MACROD2: variants seen among roughly 807,000 people sequenced by gnomAD.
MACROD2 encodes the protein ADP-ribose glycohydrolase MACROD2.
A neutral mutation model predicts 70.4 loss-of-function variants in MACROD2; 36 were observed. The observed-to-expected ratio is 0.51, with a 90% CI of 0.39 to 0.68. The LOEUF is 0.68. Ranked by LOEUF, MACROD2 falls within the 30% of genes least tolerant of loss-of-function variation. The pLI is 0.00. For missense variants in MACROD2, 496 were observed against 538.4 expected (o/e 0.92, Z 0.78); for synonymous variants, 172 against 178.8 (o/e 0.96, Z 0.30).
intron 3 of MACROD2, chr20:14,325,996 A>G: frequency 6.2e-7 from 1 of 1,613,896 alleles, no homozygotes; most frequent in South Asian, 1.1e-5. Flanking sequence ...GTACATTCGA[A>G]GGGGTGCAGT....
intron 8 of MACROD2, among the ~76,000 whole-genome samples, chr20:15,836,231 A>G (rs2147123969): frequency 6.6e-6 from 1 of 152,314 alleles, no homozygotes; most frequent in Non-Finnish European, 1.5e-5. Flanking sequence ...TTTTCTACTT[A>G]GGAGAGGGTA....
intron 8 of MACROD2, among the ~76,000 whole-genome samples, chr20:15,667,522 T>C (rs1322742730): frequency 6.6e-6 from 1 of 151,150 alleles, no homozygotes; most frequent in Non-Finnish European, 1.5e-5. Context: ...TATCTATCTA[T>C]CTATGAAAGC....
chr20:14,554,628 A>G (rs1978900972), intron 4 of MACROD2, among the ~76,000 whole-genome samples: 1 of 152,116 alleles, frequency 6.6e-6, no homozygotes, highest in Non-Finnish European at 1.5e-5. Flanking sequence ...ACTGGGGAAA[A>G]GGGAGGGATG....
chr20:14,253,783 G>A (rs2082031067), intron 3 of MACROD2, among the ~76,000 whole-genome samples: 1 of 152,024 alleles, frequency 6.6e-6, no homozygotes. Flanking sequence ...TTCATAGGCC[G>A]TAATGCAAGG....
At chr20:15,135,976 A>G (rs1302172069) in intron 5 of MACROD2, among the ~76,000 whole-genome samples, 2 of 149,284 alleles carry the variant, frequency 1.3e-5, no homozygotes, top group African/African-American at 4.9e-5. Context: ...TTCAAAGAGA[A>G]TAACATACCT....
At chr20:15,034,836 C>T (rs541359702) in intron 5 of MACROD2, among the ~76,000 whole-genome samples, 5 of 152,274 alleles carry the variant, frequency 3.3e-5, no homozygotes, top group Non-Finnish European at 5.9e-5. Context: ...AAACAATGCT[C>T]TGTCGTCAAT....
intron 8 of MACROD2, among the ~76,000 whole-genome samples, chr20:15,775,203 G>C (rs2051701561): frequency 6.6e-6 from 1 of 152,092 alleles, no homozygotes; most frequent in Non-Finnish European, 1.5e-5. Context: ...AGATCCAGCG[G>C]AGCTTTATGC....
At chr20:14,043,867 C>T (rs1277767891) in intron 2 of MACROD2, among the ~76,000 whole-genome samples, 1 of 152,214 alleles carries the variant, frequency 6.6e-6, no homozygotes, top group East Asian at 1.9e-4. Flanking sequence ...CAATGTATAA[C>T]AAGGACTGTC....
At chr20:14,328,075 A>C (rs944337713) in intron 3 of MACROD2, among the ~76,000 whole-genome samples, 1 of 152,092 alleles carries the variant, frequency 6.6e-6, no homozygotes, top group Non-Finnish European at 1.5e-5. Context: ...TATTCTCTTC[A>C]TACTCAGGAA....
At chr20:15,621,247 A>G (rs752936289) in intron 8 of MACROD2, among the ~76,000 whole-genome samples, 1 of 152,148 alleles carries the variant, frequency 6.6e-6, no homozygotes, top group Non-Finnish European at 1.5e-5. Flanking sequence ...TCTTCTCTCT[A>G]TTTCAAATTA....
At chr20:15,614,434 T>C (rs1458711585) in intron 8 of MACROD2, among the ~76,000 whole-genome samples, 1 of 152,192 alleles carries the variant, frequency 6.6e-6, no homozygotes, top group Non-Finnish European at 1.5e-5. Context: ...TTGCAATTCA[T>C]TTTATAATTG....
intron 6 of MACROD2, among the ~76,000 whole-genome samples, chr20:15,417,002 G>C (rs567335473): frequency 6.6e-6 from 1 of 152,292 alleles, no homozygotes; most frequent in South Asian, 2.1e-4. Context: ...GGATGAAATG[G>C]AATTGCCCAG....
chr20:15,530,614 C>A (rs1469574741), intron 8 of MACROD2, among the ~76,000 whole-genome samples: 1 of 151,238 alleles, frequency 6.6e-6, no homozygotes, highest in Non-Finnish European at 1.5e-5. Context: ...CGCCTGTAGT[C>A]CCAGCTACTC....
chr20:14,066,329 C>A (rs147868020), intron 2 of MACROD2, among the ~76,000 whole-genome samples: 14 of 152,156 alleles, frequency 9.2e-5, no homozygotes, highest in Admixed American at 9.2e-4. Flanking sequence ...ATCTTATTCT[C>A]TGCTAGACCC....
chr20:15,108,696 C>T (rs2075930840), intron 5 of MACROD2, among the ~76,000 whole-genome samples: 1 of 152,066 alleles, frequency 6.6e-6, no homozygotes, highest in Admixed American at 6.6e-5. Flanking sequence ...TATTTTGAAC[C>T]AGAGAATTTT....
intron 3 of MACROD2, among the ~76,000 whole-genome samples, chr20:14,423,556 C>T (rs922975885): frequency 1.3e-5 from 2 of 151,188 alleles, no homozygotes; most frequent in Admixed American, 6.6e-5. Flanking sequence ...AAAAATTAAC[C>T]GCGCATGGTG....
At chr20:15,034,594 A>G (rs2075299100) in intron 5 of MACROD2, among the ~76,000 whole-genome samples, 1 of 152,120 alleles carries the variant, frequency 6.6e-6, no homozygotes, top group Non-Finnish European at 1.5e-5. Flanking sequence ...GTATTCTCAA[A>G]TGGATGTAAA....
intron 3 of MACROD2, chr20:14,325,457 G>T: frequency 7.0e-6 from 9 of 1,277,574 alleles, no homozygotes; most frequent in African/African-American, 4.5e-5. Flanking sequence ...CTTTTTTTCA[G>T]TCTCTTTTTC....
intron 8 of MACROD2, among the ~76,000 whole-genome samples, chr20:15,610,136 A>G (rs1425994600): frequency 1.3e-5 from 2 of 152,202 alleles, no homozygotes; most frequent in East Asian, 1.9e-4. Flanking sequence ...TCATATATCA[A>G]ACATGAAGTG....
Sources: gnomAD v4.1 joint callset for allele counts (sites outside exome capture counted in the v4.1 genomes callset) on GRCh38, gnomAD v4.1.1 for gene constraint, MANE v1.5 for transcripts, NCBI Gene and HGNC (gene_info 2026-07-23, HGNC 2026-07-21) for gene names.